KLF13: variants seen among roughly 807,000 people sequenced by gnomAD.
The protein encoded by KLF13 is KLF transcription factor 13, also known as Krueppel-like factor 13.
Under a neutral mutation model 16.7 loss-of-function variants are expected in KLF13, and 8 were observed. The ratio of observed to expected loss-of-function variants is 0.48; its 90% CI spans 0.28 to 0.87. The LOEUF (loss-of-function observed/expected upper bound fraction) is 0.87. Ranked by LOEUF, KLF13 falls within the 40% of genes least tolerant of loss-of-function variation. The pLI, the probability that KLF13 is intolerant of heterozygous loss-of-function variation, is 0.10. For synonymous variants in KLF13, 245 were observed against 208.4 expected (o/e 1.18, Z -1.51); for missense variants, 447 against 452.2 (o/e 0.99, Z 0.10).
At chr15:31,415,173 A>G (rs1436031962) in intron 1 of KLF13, among the ~76,000 whole-genome samples, 2 of 152,168 alleles carry the variant, frequency 1.3e-5, no homozygotes, top group African/African-American at 2.4e-5. Context: ...AAAGCAGCCT[A>G]TAGCTCTCAC....
At chr15:31,359,613 G>A (rs2039350832) in intron 1 of KLF13, among the ~76,000 whole-genome samples, 1 of 152,228 alleles carries the variant, frequency 6.6e-6, no homozygotes, top group Non-Finnish European at 1.5e-5. Context: ...AGAAAGGACA[G>A]TCACACACAA....
chr15:31,427,373 T>A (rs990681427), intron 1 of KLF13, among the ~76,000 whole-genome samples: 1 of 151,630 alleles, frequency 6.6e-6, no homozygotes, highest in African/African-American at 2.4e-5. Flanking sequence ...ATAACAAGTG[T>A]TGGCAAGAAT....
chr15:31,328,075 C>T (rs1421903074), intron 1 of KLF13, among the ~76,000 whole-genome samples: 13 of 149,136 alleles, frequency 8.7e-5, no homozygotes, highest in East Asian at 2.0e-4. Flanking sequence ...ATATAGTCAT[C>T]TGGGCTGGGG....
chr15:31,376,547 A>G lies in KLF13; in HGVS notation c.*4248A>G, dbSNP rs556372126. 1 of 152,696 alleles carries G rather than the reference A, an allele frequency of 6.5e-6. No individual in the cohort carries two copies. Among genetic ancestry groups the G allele is most frequent in the Admixed American group, 6.5e-5 (1 of 15,300 alleles). The allele number at this position is 152,696 out of a possible 1,614,324, so 9.5% of individuals were successfully genotyped here. A position where few individuals can be genotyped will look rare whatever the true frequency, so the allele number is the denominator to read the frequency against. ...GCTGATGGTTTTTGAAATCAGGATT[A>G]CCCCAGGAAGAACCAGGTCCTATTA... On this transcript the variant is annotated 3_prime_UTR_variant, in exon 2 of 2. Coordinates refer to ENST00000307145, the MANE Select transcript of KLF13 (RefSeq NM_015995.4).
At chr15:31,429,694 CTTTTATTTATTTATTT>C (rs1321153888) in intron 1 of KLF13, among the ~76,000 whole-genome samples, 221 of 142,460 alleles carry the variant, frequency 1.6e-3, no homozygotes, top group Non-Finnish European at 2.6e-3. Flanking sequence ...GAGAAAGATT[CTTTTATTTATTTATTT>C]ATTTATTTAT....
upstream of KLF13, among the ~76,000 whole-genome samples, chr15:31,389,474 T>A (rs1243776852): frequency 6.6e-6 from 1 of 152,182 alleles, no homozygotes; most frequent in Non-Finnish European, 1.5e-5. Context: ...TTACCTCCAG[T>A]CCCCTCTACC....
intron 1 of KLF13, among the ~76,000 whole-genome samples, chr15:31,410,576 C>T (rs1323307136): frequency 7.1e-6 from 1 of 141,410 alleles, no homozygotes; most frequent in East Asian, 2.1e-4. Flanking sequence ...ACAGTAAACA[C>T]CAACCAACAC....
At chr15:31,367,925 C>T (rs866133604) in intron 1 of KLF13, among the ~76,000 whole-genome samples, 4 of 152,166 alleles carry the variant, frequency 2.6e-5, no homozygotes, top group South Asian at 2.1e-4. Flanking sequence ...CTCACAGTTC[C>T]AGAAATCAAG....
At chr15:31,358,121 T>C (rs1407230111) in intron 1 of KLF13, among the ~76,000 whole-genome samples, 1 of 152,186 alleles carries the variant, frequency 6.6e-6, no homozygotes, top group Non-Finnish European at 1.5e-5. Flanking sequence ...GTTGTCCAGC[T>C]GTTGGGCAGC....
intron 2 of KLF13, among the ~76,000 whole-genome samples, chr15:31,394,362 C>G (rs1234407653): frequency 6.6e-6 from 1 of 151,956 alleles, no homozygotes; most frequent in African/African-American, 2.4e-5. Context: ...TGGCGGGCAC[C>G]TGTAGTCCCA....
chr15:31,424,125 C>T (rs1194383290), intron 1 of KLF13, among the ~76,000 whole-genome samples: 2 of 151,960 alleles, frequency 1.3e-5, no homozygotes, highest in East Asian at 1.9e-4. Context: ...AAGCCCAGGA[C>T]CAGGTGGCTT....
intron 1 of KLF13, among the ~76,000 whole-genome samples, chr15:31,349,532 T>C (rs2039183277): frequency 6.6e-6 from 1 of 152,234 alleles, no homozygotes; most frequent in African/African-American, 2.4e-5. Flanking sequence ...CCCAGTCTGC[T>C]CCAGCTGGTG....
intron 1 of KLF13, among the ~76,000 whole-genome samples, chr15:31,343,688 G>A (rs1438986820): frequency 6.6e-6 from 1 of 152,150 alleles, no homozygotes; most frequent in East Asian, 1.9e-4. Flanking sequence ...TACTTAAACT[G>A]CCTGTTGTTG....
At position 31,340,065 on chromosome 15, in the gene KLF13, C is replaced by T. The variant is rs1595456416; in HGVS notation, c.577+12276C>T. 13 of 702,126 alleles carry T rather than the reference C, an allele frequency of 1.9e-5. No homozygotes were observed. In the East Asian group the frequency reaches 3.2e-4, roughly 17 times the overall value. The allele number at this position is 702,126 out of a possible 1,614,324, so 43.5% of individuals were successfully genotyped here. A position where few individuals can be genotyped will look rare whatever the true frequency, so the allele number is the denominator to read the frequency against. ...CAGGTTGCCCTGGTGGGTGGTGTGT[C>T]CTGTGAGCCTCTCTGCCTCTAGGCC... On this transcript the variant is annotated intron_variant, in intron 1 of 1. Transcript: ENST00000307145.
intron 1 of KLF13, among the ~76,000 whole-genome samples, chr15:31,393,423 TC>T (rs11298636): frequency 0.63 from 71,516 of 114,224 alleles, 19,643 homozygotes; most frequent in South Asian, 0.71. Flanking sequence ...CCCCGGCCCG[TC>T]CCCCCCCCGT....
At chr15:31,346,878 G>C (rs1040795298) in intron 1 of KLF13, among the ~76,000 whole-genome samples, 7 of 152,214 alleles carry the variant, frequency 4.6e-5, no homozygotes, top group African/African-American at 2.4e-5. Context: ...CATCAGGGAG[G>C]GTCTGGGGAG....
rs140236171 is a variant in KLF13 at position 31,368,183 on chromosome 15, A to G, written c.578-3827A>G. 6.3e-4 allele frequency among the ~76,000 whole-genome samples: 96 copies of G among 152,236 alleles called. 1 individual carries two copies. Among genetic ancestry groups the G allele is most frequent in the African/African-American group, 2.1e-3 (87 of 41,538 alleles). ...GGTTCTGGAGGGTTATCACTTGGCT[A>G]TATCTTTTGGGGGACCATTATCTGC... On this transcript the variant is annotated intron_variant, in intron 1 of 1. Coordinates refer to ENST00000307145, the MANE Select transcript of KLF13 (RefSeq NM_015995.4).
intron 2 of KLF13, chr15:31,393,713 G>A (rs2039909645): frequency 6.6e-6 from 1 of 152,368 alleles, no homozygotes. Flanking sequence ...GATGATGAGA[G>A]TTCCCACTGA....
At chr15:31,420,428 T>C (rs4779873) in intron 1 of KLF13, 938,642 of 1,012,420 alleles carry the variant, frequency 0.93, 435,606 homozygotes, top group East Asian at 1. Flanking sequence ...GTTCCTCACA[T>C]CCTGCTACCA....
Sources: gnomAD v4.1 joint callset for allele counts (sites outside exome capture counted in the v4.1 genomes callset) on GRCh38, gnomAD v4.1.1 for gene constraint, MANE v1.5 for transcripts, NCBI Gene and HGNC (gene_info 2026-07-23, HGNC 2026-07-21) for gene names.